MRPL47: variants seen among roughly 807,000 people sequenced by gnomAD.
MRPL47 encodes the protein mitochondrial ribosomal protein L47.
In MRPL47, 31 loss-of-function variants were observed where a neutral mutation model predicts 34.0. The ratio of observed to expected loss-of-function variants is 0.91; its 90% CI spans 0.68 to 1.23. The LOEUF (loss-of-function observed/expected upper bound fraction) is 1.23, where lower values mean the gene tolerates loss of function less well. MRPL47 is among the 50% of genes most tolerant of loss of function. MRPL47 has a pLI of 0.00. For missense variants in MRPL47, 328 were observed against 285.8 expected, an observed-to-expected ratio of 1.15 and a Z score of -1.07; for synonymous variants, 106 against 101.6, an observed-to-expected ratio of 1.04 and a Z score of -0.26.
At chr3:179,595,304 C>G (rs1241525990) in intron 4 of MRPL47, among the ~76,000 whole-genome samples, 1 of 152,176 alleles carries the variant, frequency 6.6e-6, no homozygotes, top group Non-Finnish European at 1.5e-5. Context: ...TTGCCTTGGC[C>G]TCCCAAAGTG....
rs1576868277 is a variant in MRPL47 at position 179,597,248 on chromosome 3, C to T, written c.402+1427G>A. 2.0e-5 allele frequency among the ~76,000 whole-genome samples: 3 copies of T among 152,300 alleles called. No homozygotes were observed. In the East Asian group the frequency reaches 5.8e-4, roughly 29 times the overall value. On this transcript the variant is annotated intron_variant, in intron 4 of 6. Transcript: ENST00000476781. Reference sequence around the variant, plus strand: ...TTCACTACATCAGAATAACCTTCTCCATAATTAGGGTAAATCAATGAGGTT... The same window carrying T: ...TTCACTACATCAGAATAACCTTCTCTATAATTAGGGTAAATCAATGAGGTT...
At chr3:179,601,205 T>G (rs1300797859) in intron 3 of MRPL47, among the ~76,000 whole-genome samples, 1 of 152,006 alleles carries the variant, frequency 6.6e-6, no homozygotes, top group Non-Finnish European at 1.5e-5. Context: ...TGAGCCCCAG[T>G]GAGAGCAGCC....
Position 179,588,558 on chromosome 3 carries a change from A to C in MRPL47, c.*314T>G. On this transcript the variant is annotated 3_prime_UTR_variant, in exon 7 of 7. Transcript: ENST00000476781. ...AGGTAAAACTATTATTCAAATTCAA[A>C]AACTACGGTATTGCCTTTGCTGTGG... 1 of 205,808 alleles carries C rather than the reference A, an allele frequency of 4.9e-6. No homozygotes were observed. Among genetic ancestry groups the C allele is most frequent in the Non-Finnish European group, 9.8e-6 (1 of 101,838 alleles). The allele number at this position is 205,808 out of a possible 1,614,324, so 12.7% of individuals were successfully genotyped here.
intron 6 of MRPL47, among the ~76,000 whole-genome samples, chr3:179,590,595 T>C (rs1173424704): frequency 4.0e-5 from 6 of 151,360 alleles, no homozygotes; most frequent in Admixed American, 6.6e-5. Flanking sequence ...CGATGAAAGG[T>C]AGGTAGCTAA....
At chr3:179,603,593 A>G (rs376484300) in intron 1 of MRPL47, among the ~76,000 whole-genome samples, 58 of 152,282 alleles carry the variant, frequency 3.8e-4, no homozygotes, top group African/African-American at 1.3e-3. Flanking sequence ...AGGAGCCTCA[A>G]ATACTTCCTC....
chr3:179,600,651 A>C (rs907424289), intron 3 of MRPL47, among the ~76,000 whole-genome samples: 2 of 152,114 alleles, frequency 1.3e-5, no homozygotes, highest in African/African-American at 4.8e-5. Context: ...CAAAAAGATA[A>C]AATAAAAAAA....
intron 4 of MRPL47, among the ~76,000 whole-genome samples, chr3:179,596,694 C>T (rs1361888520): frequency 2.0e-5 from 3 of 152,096 alleles, no homozygotes; most frequent in Non-Finnish European, 4.4e-5. Flanking sequence ...CTCGGTCACC[C>T]AGCCTAGAGT....
chr3:179,599,484 CACTT>C (rs1207050619), intron 3 of MRPL47, among the ~76,000 whole-genome samples: 1 of 152,182 alleles, frequency 6.6e-6, no homozygotes, highest in Non-Finnish European at 1.5e-5. Flanking sequence ...GTATTATTTC[CACTT>C]ACTTAACGAA....
chr3:179,595,354 C>A (rs1419059206), intron 4 of MRPL47, among the ~76,000 whole-genome samples: 2 of 152,160 alleles, frequency 1.3e-5, no homozygotes, highest in Non-Finnish European at 2.9e-5. Context: ...TGGCCCATAA[C>A]CTGCTCAGTT....
chr3:179,594,766 G>A (rs1217452705), intron 4 of MRPL47, among the ~76,000 whole-genome samples: 2 of 152,166 alleles, frequency 1.3e-5, no homozygotes, highest in African/African-American at 2.4e-5. Flanking sequence ...TTACAGGCAT[G>A]AGCAACCGCA....
chr3:179,593,850 C>G lies in MRPL47; in HGVS notation c.448G>C (p.Glu150Gln). The G allele has an allele frequency of 6.2e-7, 1 of 1,613,650 alleles. No individual in the cohort carries two copies. Reference sequence around the variant, plus strand: ...GTCTGAAGAAGCCTTAGGGCATCTTCTCTTTCCTGGACAACTTTATCTAAT... The same window carrying G: ...GTCTGAAGAAGCCTTAGGGCATCTTGTCTTTCCTGGACAACTTTATCTAAT... ...DALDKVVQEREDALRLLQTGQ... is the reference protein window; with the variant it reads ...DALDKVVQERQDALRLLQTGQ... The change falls in exon 5 of 7, where the codon GAA becomes CAA. Residue 150 changes from glutamate (E) to glutamine (Q), a missense_variant. Glu to Gln is a conservative substitution (Grantham distance 29). Coordinates refer to ENST00000476781, the MANE Select transcript of MRPL47 (RefSeq NM_020409.3).
At chr3:179,602,818 AC>A in intron 1 of MRPL47, 21 bp from the exon 2 acceptor site, 1 of 1,570,628 alleles carries the variant, frequency 6.4e-7, no homozygotes, top group Non-Finnish European at 8.6e-7. Flanking sequence ...ACACACATAA[AC>A]AAGTAAAAGT....
chr3:179,593,826 TCTGAAGAAGC>T lies in MRPL47; in HGVS notation c.462_471del (p.Leu156ValfsTer32). The T allele has an allele frequency of 1.9e-6, 3 of 1,613,740 alleles. No individual in the cohort carries two copies. The African/African-American group carries it at 4.0e-5, about 22-fold the overall frequency. On this transcript the variant is annotated frameshift_variant, in exon 5 of 7. Transcript: ENST00000476781. LOFTEE classifies it high-confidence loss of function. Reference sequence around the variant, plus strand: ...CCAGGTCTAGCTCTTTCTTGACCAGTCTGAAGAAGCCTTAGGGCATCTTCTCTTTCCTGGA... The same window carrying T: ...CCAGGTCTAGCTCTTTCTTGACCAGTCTTAGGGCATCTTCTCTTTCCTGGA...
At chr3:179,591,477 T>C (rs1206341213) in intron 6 of MRPL47, among the ~76,000 whole-genome samples, 1 of 152,228 alleles carries the variant, frequency 6.6e-6, no homozygotes, top group Non-Finnish European at 1.5e-5. Flanking sequence ...TTTGTATAGT[T>C]ACCAGTGAGT....
intron 4 of MRPL47, 46 bp downstream of exon 4, chr3:179,598,629 T>C (rs750225190): frequency 8.7e-7 from 1 of 1,149,138 alleles, no homozygotes; most frequent in Non-Finnish European, 1.3e-6. Context: ...TCACTCCTTT[T>C]AGCTGTAATC....
At chr3:179,596,680 C>T (rs1718795954) in intron 4 of MRPL47, among the ~76,000 whole-genome samples, 1 of 152,172 alleles carries the variant, frequency 6.6e-6, no homozygotes, top group African/African-American at 2.4e-5. Context: ...GAGACAGGGT[C>T]TTGCTCGGTC....
chr3:179,599,901 G>A (rs952440337), intron 3 of MRPL47, among the ~76,000 whole-genome samples: 1 of 152,148 alleles, frequency 6.6e-6, no homozygotes, highest in Admixed American at 6.5e-5. Context: ...CGAGGCAGGT[G>A]GATCACTTGA....
chr3:179,596,296 ACAGTT>A (rs746469900), intron 4 of MRPL47, among the ~76,000 whole-genome samples: 1 of 152,168 alleles, frequency 6.6e-6, no homozygotes, highest in African/African-American at 2.4e-5. Flanking sequence ...TCTTCCTTAA[ACAGTT>A]CCAAATCTTC....
chr3:179,601,778 G>A lies in MRPL47; in HGVS notation c.257C>T (p.Thr86Ile). The A allele has an allele frequency of 1.9e-6, 3 of 1,608,964 alleles. No homozygotes were observed. The highest frequency in any genetic ancestry group is 2.6e-6 in the Non-Finnish European group (3 of 1,175,874). ...ACTTTTGTTCCTTAGTTGCTGACAGGTCCATGCTGCTCCTATTAAAATAAT... is the reference window on the plus strand; with the variant it reads ...ACTTTTGTTCCTTAGTTGCTGACAGATCCATGCTGCTCCTATTAAAATAAT... ...QEKVKSGAAW[T>I]CQQLRNKSNE... is the part of the protein sequence containing the mutation. The change falls in exon 3 of 7, where the codon ACC (threonine) becomes ATC (isoleucine). Residue 86 changes from threonine (T) to isoleucine (I), a missense_variant. Thr to Ile is a moderately conservative substitution (Grantham distance 89). Coordinates refer to ENST00000476781, the MANE Select transcript of MRPL47 (RefSeq NM_020409.3).
Sources: allele counts gnomAD v4.1 joint callset (sites outside exome capture counted in the v4.1 genomes callset), GRCh38; gene constraint gnomAD v4.1.1; transcripts MANE v1.5; gene names NCBI Gene and HGNC (gene_info 2026-07-23, HGNC 2026-07-21).